AP2B1: variants seen among roughly 807,000 people sequenced by gnomAD.
AP2B1 encodes adaptor related protein complex 2 subunit beta 1.
AP2B1 carries 23 observed loss-of-function variants against 102.0 expected under a neutral mutation model. That is an observed-to-expected ratio of 0.23 (90% CI 0.16 to 0.32). The LOEUF is 0.32. Ranked by LOEUF, AP2B1 falls within the 10% of genes least tolerant of loss-of-function variation. The pLI, the probability that AP2B1 is intolerant of heterozygous loss-of-function variation, is 1.00. For synonymous variants in AP2B1, 381 were observed against 421.2 expected (o/e 0.90, Z 1.17); for missense variants, 541 against 1,157.4 (o/e 0.47, Z 7.73).
intron 5 of AP2B1, among the ~76,000 whole-genome samples, chr17:35,615,623 G>A (rs1288948299): frequency 6.6e-6 from 1 of 152,174 alleles, no homozygotes; most frequent in Non-Finnish European, 1.5e-5. Flanking sequence ...TATTTAGTAC[G>A]TTAATTATAG....
At chr17:35,646,537 T>C (rs2074937979) in intron 12 of AP2B1, among the ~76,000 whole-genome samples, 1 of 152,076 alleles carries the variant, frequency 6.6e-6, no homozygotes, top group Non-Finnish European at 1.5e-5. Context: ...TATTGCAGCA[T>C]TTTGAATAAT....
chr17:35,600,385 G>A (rs530548212), intron 3 of AP2B1, among the ~76,000 whole-genome samples: 1 of 151,774 alleles, frequency 6.6e-6, no homozygotes, highest in Non-Finnish European at 1.5e-5. Context: ...TTCCCGGGCT[G>A]TCTAGTTTTA....
chr17:35,630,806 A>C (rs2074441448), intron 9 of AP2B1, among the ~76,000 whole-genome samples: 1 of 152,198 alleles, frequency 6.6e-6, no homozygotes, highest in Non-Finnish European at 1.5e-5. Flanking sequence ...GAACTTTCCC[A>C]GGAAACTTAA....
chr17:35,597,715 G>C (rs531479507), intron 2 of AP2B1, among the ~76,000 whole-genome samples: 27 of 152,172 alleles, frequency 1.8e-4, no homozygotes, highest in Non-Finnish European at 3.4e-4. Flanking sequence ...GGTAATATTA[G>C]TGTGTGGCCA....
chr17:35,711,554 C>T (rs1399273089), intron 20 of AP2B1, among the ~76,000 whole-genome samples: 2 of 151,944 alleles, frequency 1.3e-5, no homozygotes, highest in Non-Finnish European at 2.9e-5. Flanking sequence ...CTGCAAGCTC[C>T]GCCTCCCGGG....
chr17:35,632,274 A>G lies in AP2B1; in HGVS notation c.1156-4067A>G, dbSNP rs1236070221. The stretch of plus-strand genomic sequence containing the variant: ...CTCAGCCTCCAGAGTAGCTGGGATT[A>G]CAGACATGCACCACCATGCCCGGCT... On this transcript the variant is annotated intron_variant, in intron 9 of 21. Transcript: ENST00000610402. Among the ~76,000 whole-genome samples the G allele has an allele frequency of 2.0e-5, 3 of 152,028 alleles. No homozygotes were observed. In the East Asian group the frequency reaches 5.8e-4, roughly 29 times the overall value.
intron 18 of AP2B1, among the ~76,000 whole-genome samples, chr17:35,695,347 G>T (rs2076120964): frequency 6.6e-6 from 1 of 152,008 alleles, no homozygotes; most frequent in Non-Finnish European, 1.5e-5. Flanking sequence ...CAAAATGAGG[G>T]AGCTACCCAG....
At chr17:35,636,597 A>C in intron 10 of AP2B1, 141 bp downstream of exon 10, 2 of 607,988 alleles carry the variant, frequency 3.3e-6, no homozygotes, top group Non-Finnish European at 5.7e-6. Flanking sequence ...GAAACATTAA[A>C]ATGGTTAGCA....
Position 35,704,575 on chromosome 17 carries a change from G to C in AP2B1, c.2455-4649G>C, listed in dbSNP as rs969277882. On this transcript the variant is annotated intron_variant, in intron 18 of 21. Transcript: ENST00000610402. ...AGCTCATTGTATTATAGGTGAGCCG[G>C]AAGTAAGCCATTATTATATGCTATC... 2.6e-5 allele frequency among the ~76,000 whole-genome samples: 4 copies of C among 152,280 alleles called. No individual in the cohort carries two copies. The East Asian group carries it at 5.8e-4, about 22-fold the overall frequency.
intron 19 of AP2B1, 88 bp from the exon 20 acceptor site, chr17:35,710,146 T>G: frequency 1.1e-6 from 1 of 917,804 alleles, no homozygotes; most frequent in Admixed American, 1.9e-5. Flanking sequence ...AGAGCCAGCA[T>G]GCCAAAGGAA....
At chr17:35,592,475 C>G (rs2073131262) in intron 1 of AP2B1, among the ~76,000 whole-genome samples, 1 of 152,142 alleles carries the variant, frequency 6.6e-6, no homozygotes, top group Non-Finnish European at 1.5e-5. Flanking sequence ...ACCTCAGCCT[C>G]CCAAGTAGCT....
At chr17:35,639,797 G>A in intron 11 of AP2B1, 37 bp downstream of exon 11, 2 of 1,590,660 alleles carry the variant, frequency 1.3e-6, no homozygotes, top group Admixed American at 3.5e-5. Flanking sequence ...AGTAGTTTTA[G>A]ATGTCTTTGG....
Position 35,723,671 on chromosome 17 carries a change from A to G in AP2B1, c.2828A>G (p.Gln943Arg), listed in dbSNP as rs1555593998. ...CCTGAAGTCTCTCAATACATCTATC[A>G]GGTCTACGACAGCATTTTGAAAAAC... The part of the protein sequence containing the change: ...RAPEVSQYIY[Q>R]VYDSILKN The change falls in exon 22 of 22, where the codon CAG (glutamine) becomes CGG (arginine). Residue 943 changes from glutamine (Q) to arginine (R), a missense_variant. Gln to Arg is a conservative substitution (Grantham distance 43, BLOSUM62 1). Coordinates refer to ENST00000610402, the MANE Select transcript of AP2B1 (RefSeq NM_001030006.2). The G allele has an allele frequency of 6.2e-7, 1 of 1,613,126 alleles. No homozygotes were observed. The highest frequency in any genetic ancestry group is 1.7e-4 in the Middle Eastern group (1 of 6,060).
chr17:35,698,319 G>GT (rs2076179409), intron 18 of AP2B1, among the ~76,000 whole-genome samples: 6 of 151,450 alleles, frequency 4.0e-5, no homozygotes, highest in African/African-American at 1.5e-4. Flanking sequence ...GTTTTGTTTT[G>GT]TTTTTTGGAG....
At chr17:35,677,790 A>AT (rs1265905543) in intron 17 of AP2B1, among the ~76,000 whole-genome samples, 1 of 150,842 alleles carries the variant, frequency 6.6e-6, no homozygotes, top group South Asian at 2.1e-4. Context: ...ATGTTTTATA[A>AT]TTTTTTTATG....
chr17:35,667,743 C>T (rs933547472), intron 14 of AP2B1, among the ~76,000 whole-genome samples: 7 of 151,908 alleles, frequency 4.6e-5, no homozygotes, highest in African/African-American at 1.7e-4. Context: ...TCTTGCTGTT[C>T]TGTGCCAAGC....
chr17:35,634,251 CCA>C (rs1260588535), intron 9 of AP2B1, among the ~76,000 whole-genome samples: 1 of 152,188 alleles, frequency 6.6e-6, no homozygotes, highest in Non-Finnish European at 1.5e-5. Context: ...ATAGAATTTC[CCA>C]CAGTCTGGAT....
intron 12 of AP2B1, among the ~76,000 whole-genome samples, chr17:35,645,569 G>T (rs527603443): frequency 2.4e-4 from 37 of 152,262 alleles, no homozygotes; most frequent in African/African-American, 8.9e-4. Flanking sequence ...ACAAACAAAG[G>T]CCGGGCATGG....
At chr17:35,634,622 G>C (rs1384582586) in intron 9 of AP2B1, among the ~76,000 whole-genome samples, 1 of 151,940 alleles carries the variant, frequency 6.6e-6, no homozygotes, top group Non-Finnish European at 1.5e-5. Context: ...ATTAATTATA[G>C]GCTATGGAAA....
Sources: allele counts gnomAD v4.1 joint callset (sites outside exome capture counted in the v4.1 genomes callset), GRCh38; gene constraint gnomAD v4.1.1; transcripts MANE v1.5; gene names NCBI Gene and HGNC (gene_info 2026-07-23, HGNC 2026-07-21).